Variants in BCAS3 observed in about 807,000 individuals in gnomAD.
BCAS3 encodes the protein BCAS3 microtubule associated cell migration factor.
Under a neutral mutation model 116.1 loss-of-function variants are expected in BCAS3, and 53 were observed. That is an observed-to-expected ratio of 0.46 (90% CI 0.37 to 0.57). The LOEUF (loss-of-function observed/expected upper bound fraction) is 0.57. BCAS3 is among the 20% of genes least tolerant of loss of function. BCAS3 has a pLI of 0.00. For synonymous variants in BCAS3, 391 were observed against 408.2 expected (o/e 0.96, Z 0.51); for missense variants, 917 against 1,165.4 (o/e 0.79, Z 3.10).
In BCAS3 at chr17:61,203,349, G is replaced by C. The variant is rs1169801108; in HGVS notation, c.2425+118785G>C. 2.6e-5 allele frequency among the ~76,000 whole-genome samples: 4 copies of C among 152,014 alleles called. No individual in the cohort carries two copies. The highest frequency in any genetic ancestry group is 5.9e-5 in the Non-Finnish European group (4 of 68,002). The stretch of plus-strand genomic sequence containing the variant: ...ATTTTTGTATTATTAGTAGAAACAG[G>C]GTTTCGCCATGTTGGTCAGGCTGGT... On this transcript the variant is annotated intron_variant, in intron 22 of 23. Transcript: ENST00000407086. This position sits in a 1 kb window ranked among gnomAD's most constrained non-coding sequence, Gnocchi z 5.7.
In BCAS3 at chr17:60,994,496, T is replaced by G. The variant is rs2063719777; in HGVS notation, c.1486+4261T>G. ...TTTTTTCCCTCATCTATATCAGTAA[T>G]TTCTAACAATTTTTTACTATCACAA... On this transcript the variant is annotated intron_variant, in intron 15 of 23. Coordinates refer to ENST00000407086, the MANE Select transcript of BCAS3 (RefSeq NM_017679.5). This position sits in a 1 kb window ranked among gnomAD's most constrained non-coding sequence, Gnocchi z 4.4. Among the ~76,000 whole-genome samples the G allele has an allele frequency of 6.6e-6, 1 of 152,146 alleles. No homozygotes were observed. Among genetic ancestry groups the G allele is most frequent in the African/African-American group, 2.4e-5 (1 of 41,442 alleles).
rs1409919541 is a variant in BCAS3 at position 61,208,056 on chromosome 17, C to T, written c.2425+123492C>T. Among the ~76,000 whole-genome samples the T allele has an allele frequency of 1.3e-5, 2 of 151,880 alleles. No individual in the cohort carries two copies. Among genetic ancestry groups the T allele is most frequent in the Admixed American group, 6.6e-5 (1 of 15,246 alleles). On this transcript the variant is annotated intron_variant, in intron 22 of 23. Transcript: ENST00000407086. This position sits in a 1 kb window ranked among gnomAD's most constrained non-coding sequence, Gnocchi z 4.5. ...TTAGGAGATAATGTTGATCACATACCCTTTTTTATTATATCTTAGTAACTT... is the reference window on the plus strand; with the variant it reads ...TTAGGAGATAATGTTGATCACATACTCTTTTTTATTATATCTTAGTAACTT...
intron 5 of BCAS3, among the ~76,000 whole-genome samples, chr17:60,714,043 G>T (rs972064367): frequency 6.6e-6 from 1 of 152,036 alleles, no homozygotes; most frequent in South Asian, 2.1e-4. Context: ...CACCATGTTG[G>T]CCAGGCTGGT....
intron 22 of BCAS3, among the ~76,000 whole-genome samples, chr17:61,125,107 G>A (rs2075986097): frequency 6.6e-6 from 1 of 152,184 alleles, no homozygotes; most frequent in Non-Finnish European, 1.5e-5. Context: ...GTCTAGGTAT[G>A]TGTATATTTT....
intron 6 of BCAS3, among the ~76,000 whole-genome samples, chr17:60,768,305 C>T (rs556512841): frequency 6.6e-6 from 1 of 152,264 alleles, no homozygotes; most frequent in South Asian, 2.1e-4. Flanking sequence ...AGGAGATTAA[C>T]ATTTGAGTCA....
intron 5 of BCAS3, among the ~76,000 whole-genome samples, chr17:60,722,154 CT>C (rs1193727180): frequency 6.6e-6 from 1 of 152,060 alleles, no homozygotes; most frequent in Non-Finnish European, 1.5e-5. Flanking sequence ...TAAAGTTGCT[CT>C]GAAAATTCTT....
intron 6 of BCAS3, among the ~76,000 whole-genome samples, chr17:60,800,271 A>G (rs1198399529): frequency 1.3e-5 from 2 of 152,140 alleles, no homozygotes; most frequent in Admixed American, 6.5e-5. Flanking sequence ...CTTTGTCAGC[A>G]TTTACTATTG....
At chr17:61,047,747 G>A (rs2068480736) in intron 19 of BCAS3, among the ~76,000 whole-genome samples, 1 of 152,036 alleles carries the variant, frequency 6.6e-6, no homozygotes, top group South Asian at 2.1e-4. Context: ...TCAGTCTGCT[G>A]TAGAGCTTCC....
At chr17:61,172,597 A>C (rs1386932890) in intron 22 of BCAS3, among the ~76,000 whole-genome samples, 2 of 152,146 alleles carry the variant, frequency 1.3e-5, no homozygotes, top group Non-Finnish European at 2.9e-5. Context: ...AGATCGCACC[A>C]CTGCACTCCA....
At chr17:61,242,980 C>T (rs778256437) in intron 22 of BCAS3, among the ~76,000 whole-genome samples, 6 of 151,564 alleles carry the variant, frequency 4.0e-5, no homozygotes, top group Non-Finnish European at 7.4e-5. Context: ...GGTGCGATCT[C>T]GGCTCACTGC....
At chr17:61,060,805 C>T (rs185554561) in intron 19 of BCAS3, among the ~76,000 whole-genome samples, 5 of 152,284 alleles carry the variant, frequency 3.3e-5, no homozygotes, top group Admixed American at 3.3e-4. Context: ...TCTTTTTACC[C>T]ATGATTCTTC....
intron 5 of BCAS3, among the ~76,000 whole-genome samples, chr17:60,732,824 C>T (rs544323854): frequency 8.5e-5 from 13 of 152,086 alleles, no homozygotes; most frequent in African/African-American, 2.7e-4. Context: ...GGCGACAGAG[C>T]GAGACATCGT....
chr17:60,925,228 T>C (rs1023603247), intron 13 of BCAS3, among the ~76,000 whole-genome samples: 1 of 152,066 alleles, frequency 6.6e-6, no homozygotes, highest in African/African-American at 2.4e-5. Flanking sequence ...TATGATAATG[T>C]TTTTGTATTT....
rs955865016 is a variant in BCAS3 at position 61,198,988 on chromosome 17, T to C, written c.2425+114424T>C. Reference sequence around the variant, plus strand: ...TACAAGCTCCAAAACTTTTAATATATCTTACCATACTCTGATTACTAGAAA... The same window carrying C: ...TACAAGCTCCAAAACTTTTAATATACCTTACCATACTCTGATTACTAGAAA... On this transcript the variant is annotated intron_variant, in intron 22 of 23. Coordinates refer to ENST00000407086, the MANE Select transcript of BCAS3 (RefSeq NM_017679.5). The surrounding 1 kb of genome is among the most constrained non-coding windows in gnomAD (Gnocchi z 5.0). Among the ~76,000 whole-genome samples, 2 of 152,214 alleles carry C rather than the reference T, an allele frequency of 1.3e-5. No homozygotes were observed. Among genetic ancestry groups the C allele is most frequent in the Non-Finnish European group, 2.9e-5 (2 of 68,048 alleles).
In BCAS3 at chr17:61,339,158, C is replaced by T. The variant is rs3845288; in HGVS notation, c.2426-29169C>T. 0.048 allele frequency among the ~76,000 whole-genome samples: 7,331 copies of T among 152,186 alleles called. 620 individuals are homozygous for T. The highest frequency in any genetic ancestry group is 0.17 in the African/African-American group (6,912 of 41,480). ...GTTCTGTGGAGGATGCAGAAACTGACGATTGGCAGTCATCTTCCCAGCTCT... is the reference window on the plus strand; with the variant it reads ...GTTCTGTGGAGGATGCAGAAACTGATGATTGGCAGTCATCTTCCCAGCTCT... On this transcript the variant is annotated intron_variant, in intron 22 of 23. Coordinates refer to ENST00000407086, the MANE Select transcript of BCAS3 (RefSeq NM_017679.5). This position sits in a 1 kb window ranked among gnomAD's most constrained non-coding sequence, Gnocchi z 4.4.
At position 61,235,753 on chromosome 17, in the gene BCAS3, T is replaced by C. The variant is rs1347415169; in HGVS notation, c.2426-132574T>C. ...AAAGAAAGACAAGGGAAAAAAATGG[T>C]TAGGGAGGCTGCAAAAGAGATGTGG... On this transcript the variant is annotated intron_variant, in intron 22 of 23. Coordinates refer to ENST00000407086, the MANE Select transcript of BCAS3 (RefSeq NM_017679.5). The surrounding 1 kb of genome is among the most constrained non-coding windows in gnomAD (Gnocchi z 5.0). 6.7e-6 allele frequency among the ~76,000 whole-genome samples: 1 copy of C among 149,652 alleles called. No individual in the cohort carries two copies. Among genetic ancestry groups the C allele is most frequent in the Non-Finnish European group, 1.5e-5 (1 of 67,484 alleles).
At chr17:61,270,851 C>T (rs2050177347) in intron 22 of BCAS3, among the ~76,000 whole-genome samples, 1 of 152,060 alleles carries the variant, frequency 6.6e-6, no homozygotes. Context: ...GCTGGGATTA[C>T]AGGCTTCAAG....
intron 3 of BCAS3, among the ~76,000 whole-genome samples, chr17:60,686,255 G>A (rs555526058): frequency 1.0e-3 from 154 of 152,156 alleles, no homozygotes; most frequent in African/African-American, 3.2e-3. Context: ...AGAGTCCTGC[G>A]TTGGTACTTT....
rs950450031 is a variant in BCAS3 at position 61,032,704 on chromosome 17, A to C, written c.1638-1962A>C. On this transcript the variant is annotated intron_variant, in intron 16 of 23. Transcript: ENST00000407086. The surrounding 1 kb of genome is among the most constrained non-coding windows in gnomAD (Gnocchi z 4.6). ...TACAGTTGTGACAGATGCAAGTATG[A>C]AGAGGTGAAACAGTTTATAGAGCCA... Among the ~76,000 whole-genome samples, 1 of 152,146 alleles carries C rather than the reference A, an allele frequency of 6.6e-6. No individual in the cohort carries two copies. The highest frequency in any genetic ancestry group is 1.5e-5 in the Non-Finnish European group (1 of 68,006).
Sources: gnomAD v4.1 joint callset for allele counts (sites outside exome capture counted in the v4.1 genomes callset) on GRCh38, gnomAD v4.1.1 for gene constraint, Gnocchi (gnomAD v3.1) non-coding constraint, MANE v1.5 for transcripts, NCBI Gene and HGNC (gene_info 2026-07-23, HGNC 2026-07-21) for gene names.